The following INTS1 variants were observed in gnomAD, a reference collection of about 807,000 sequenced individuals.
INTS1 encodes the protein integrator complex subunit 1.
In INTS1, 137 loss-of-function variants were observed where a neutral mutation model predicts 241.6. That is an observed-to-expected ratio of 0.57 (90% CI 0.49 to 0.65). INTS1 has a LOEUF of 0.65. Ranked by LOEUF, INTS1 falls within the 30% of genes least tolerant of loss-of-function variation. The pLI, the probability that INTS1 is intolerant of heterozygous loss-of-function variation, is 0.00. For synonymous variants in INTS1, 1,692 were observed against 1,337.8 expected (o/e 1.26, Z -5.78); for missense variants, 3,073 against 3,032.2 (o/e 1.01, Z -0.32).
intron 16 of INTS1, 81 bp from the exon 17 acceptor site, chr7:1,489,763 G>A: frequency 9.7e-7 from 1 of 1,035,506 alleles, no homozygotes; most frequent in Non-Finnish European, 1.4e-6. Flanking sequence ...TGGCAAAGCT[G>A]GGGCAGGGAC....
chr7:1,498,943 G>GGGGGC, intron 8 of INTS1, 32 bp downstream of exon 8: 19 of 1,070,696 alleles, frequency 1.8e-5, no homozygotes, highest in Non-Finnish European at 2.3e-5. Context: ...CCCACCCCCT[G>GGGGGC]CCCCGCCCAC....
intron 42 of INTS1, 81 bp from the exon 43 acceptor site, chr7:1,473,265 T>C (rs891221312): frequency 6.6e-6 from 5 of 762,552 alleles, no homozygotes; most frequent in Admixed American, 4.5e-5. Flanking sequence ...TAGGGTGGCA[T>C]GGGAGCGTGT....
In INTS1 at chr7:1,470,594, T is replaced by C. The variant is rs763399857; in HGVS notation, c.6556A>G (p.Met2186Val). 15 of 1,574,314 alleles carry C rather than the reference T, an allele frequency of 9.5e-6. No homozygotes were observed. The highest frequency in any genetic ancestry group is 5.4e-5 in the African/African-American group (4 of 73,898). ...QISEALRILH[M>V]EAVM Reference sequence around the variant, plus strand: ...CCACAGGCTCACATCACGGCCTCCATATGCAGGATCCTCAGGGCCTCGGAG... The same window carrying C: ...CCACAGGCTCACATCACGGCCTCCACATGCAGGATCCTCAGGGCCTCGGAG... Residue 2186 changes from methionine (M) to valine (V), a missense_variant, in exon 48 of 48, where the codon ATG becomes GTG. Coordinates refer to ENST00000404767, the MANE Select transcript of INTS1 (RefSeq NM_001080453.3).
In INTS1 at chr7:1,493,041, G is replaced by T. The variant is rs1394883457; in HGVS notation, c.2134C>A (p.His712Asn). Residue 712 changes from histidine to asparagine, a missense_variant, in exon 16 of 48, where the codon CAT becomes AAT. His to Asn is a moderately conservative substitution (Grantham distance 68, BLOSUM62 1). Coordinates refer to ENST00000404767, the MANE Select transcript of INTS1 (RefSeq NM_001080453.3). This position sits in a 1 kb window ranked among gnomAD's most constrained non-coding sequence, Gnocchi z 5.3. ...GGGAGCTGGATGTTTTCAGGGTGAT[G>T]GTAGGTGCACAGATTCAGAACGGCG... ...IDAVLNLCTY[H>N]HPENIQLPPG... is the part of the protein sequence containing the mutation. 3.7e-6 allele frequency: 6 copies of T among 1,613,514 alleles called. No homozygotes were observed. The South Asian group carries it at 5.5e-5, about 15-fold the overall frequency.
chr7:1,483,301 T>G (rs1583117399), intron 26 of INTS1: 1 of 289,600 alleles, frequency 3.5e-6, no homozygotes. Context: ...AGGCGCTGGG[T>G]TCCAGACACT....
intron 6 of INTS1, 41 bp downstream of exon 6, chr7:1,499,432 G>T: frequency 6.4e-7 from 1 of 1,564,288 alleles, no homozygotes; most frequent in African/African-American, 1.4e-5. Context: ...CCTGCCCTGG[G>T]GCTTGGACAC....
In INTS1 at chr7:1,474,326, G is replaced by C; in HGVS notation, c.5671C>G (p.Arg1891Gly). The C allele has an allele frequency of 6.2e-7, 1 of 1,606,158 alleles. No individual in the cohort carries two copies. Among genetic ancestry groups the C allele is most frequent in the East Asian group, 2.2e-5 (1 of 44,614 alleles). ...LPMIAALLHGRTHLNFQEFRQ... is the reference protein window; with the variant it reads ...LPMIAALLHGGTHLNFQEFRQ... ...AACTCCTGGAAGTTGAGGTGGGTGCGGCCGTGCAGGAGCGCCGCGATCATG... is the reference window on the plus strand; with the variant it reads ...AACTCCTGGAAGTTGAGGTGGGTGCCGCCGTGCAGGAGCGCCGCGATCATG... Residue 1891 changes from arginine to glycine, a missense_variant, in exon 41 of 48, where the codon CGC becomes GGC. Physicochemically the swap from Arg to Gly is moderately radical, Grantham distance 125. Transcript: ENST00000404767.
At chr7:1,498,607 C>T (rs1001551570) in intron 9 of INTS1, 54 bp from the exon 10 acceptor site, 21 of 1,597,640 alleles carry the variant, frequency 1.3e-5, no homozygotes, top group African/African-American at 4.3e-5. Flanking sequence ...GCCCCCACTC[C>T]GCCTGTGCCC....
chr7:1,495,385 C>A, intron 13 of INTS1, 48 bp downstream of exon 13: 3 of 1,572,478 alleles, frequency 1.9e-6, no homozygotes, highest in Admixed American at 1.8e-5. Context: ...CGGCTTGTCC[C>A]GGCTCAGTGG....
chr7:1,472,689 G>A (rs1481283407), intron 43 of INTS1, among the ~76,000 whole-genome samples: 2 of 152,230 alleles, frequency 1.3e-5, no homozygotes, highest in East Asian at 1.9e-4. Context: ...GCACAGGAGA[G>A]ACGTGCTGCG....
chr7:1,494,852 TA>T lies in INTS1; in HGVS notation c.1873del (p.Tyr625ThrfsTer29). 6.4e-7 allele frequency: 1 copy of T among 1,569,582 alleles called. No homozygotes were observed. The highest frequency in any genetic ancestry group is 1.9e-5 in the Admixed American group (1 of 53,524). Reference protein sequence around the residue: ...VLFTEQPETYYKWDNWPPESD... With the variant: ...VLFTEQPETYXKWDNWPPESD... ...CTCGGGTGGCCAGTTGTCCCACTTG[TA>T]GTAGGTCTCCGGCTGCTCTGTGAAC... On this transcript the variant is annotated frameshift_variant, in exon 14 of 48. Coordinates refer to ENST00000404767, the MANE Select transcript of INTS1 (RefSeq NM_001080453.3). LOFTEE classifies it high-confidence loss of function.
At position 1,470,551 on chromosome 7, in the gene INTS1, T is replaced by G; in HGVS notation, c.*26A>C. On this transcript the variant is annotated 3_prime_UTR_variant, in exon 48 of 48. Coordinates refer to ENST00000404767, the MANE Select transcript of INTS1 (RefSeq NM_001080453.3). ...CCCCGGGGACGGGACGGGCCGGGGC[T>G]TGGAGGGGGGTCGGCTGCCACAGGC... 1 of 1,503,726 alleles carries G rather than the reference T, an allele frequency of 6.7e-7. No individual in the cohort carries two copies. Among genetic ancestry groups the G allele is most frequent in the Non-Finnish European group, 9.0e-7 (1 of 1,113,142 alleles). The allele number at this position is 1,503,726 out of a possible 1,614,324, so 93.1% of individuals were successfully genotyped here. A position where few individuals can be genotyped will look rare whatever the true frequency, so the allele number is the denominator to read the frequency against.
At chr7:1,498,379 C>T (rs544959348) in intron 10 of INTS1, 33 bp downstream of exon 10, 11 of 1,611,328 alleles carry the variant, frequency 6.8e-6, no homozygotes, top group South Asian at 3.3e-5. Flanking sequence ...CATATTCCGG[C>T]GTGGAGGGCA....
In INTS1 at chr7:1,479,423, C is replaced by CAAGT. The variant is rs1562492352; in HGVS notation, c.4329+3_4329+6dup. On this transcript the variant is annotated splice_region_variant and intron_variant, in intron 31 of 47. Transcript: ENST00000404767. ...TCCTCCCCCGCAAGAGGCCCACGCC[C>CAAGT]AAGTACCTGGTACTGGCAGAGCTGG... 6.4e-7 allele frequency: 1 copy of CAAGT among 1,571,078 alleles called. No individual in the cohort carries two copies. The highest frequency in any genetic ancestry group is 1.8e-5 in the Admixed American group (1 of 54,720).
intron 14 of INTS1, 130 bp downstream of exon 14, chr7:1,494,686 G>A: frequency 2.4e-6 from 2 of 848,520 alleles, no homozygotes; most frequent in Non-Finnish European, 3.8e-6. Flanking sequence ...TGTGGAGGAG[G>A]AGCAGGATGG....
intron 18 of INTS1, 61 bp downstream of exon 18, chr7:1,489,283 G>C: frequency 6.6e-7 from 1 of 1,523,690 alleles, no homozygotes; most frequent in Non-Finnish European, 8.9e-7. Flanking sequence ...CACAGCCCCA[G>C]CGGAACGAGA....
intron 43 of INTS1, 85 bp downstream of exon 43, chr7:1,472,987 C>T (rs1469767062): frequency 1.3e-5 from 12 of 915,460 alleles, no homozygotes; most frequent in Non-Finnish European, 1.9e-5. Flanking sequence ...CTCGGACGGC[C>T]CAGGGCTGGC....
rs371734036 is a variant in INTS1 at position 1,497,099 on chromosome 7, G to A, written c.1602+39C>T. On this transcript the variant is annotated intron_variant, in intron 11 of 47. Coordinates refer to ENST00000404767, the MANE Select transcript of INTS1 (RefSeq NM_001080453.3). This position sits in a 1 kb window ranked among gnomAD's most constrained non-coding sequence, Gnocchi z 5.3. The stretch of plus-strand genomic sequence containing the variant: ...AGGGGGATGGCGGCGCGTGGAACCC[G>A]CAGTGAGGGAAAGGCGCCCCAGCGG... 5.3e-5 allele frequency: 83 copies of A among 1,559,310 alleles called. No homozygotes were observed. In the African/African-American group the frequency reaches 7.6e-4, roughly 14 times the overall value.
chr7:1,498,588 T>TA (rs1782975754), intron 9 of INTS1, 35 bp from the exon 10 acceptor site: 1 of 1,610,042 alleles, frequency 6.2e-7, no homozygotes. Context: ...CTGTCCCCGC[T>TA]ACGCCTGTGC....
Sources: allele counts gnomAD v4.1 joint callset (sites outside exome capture counted in the v4.1 genomes callset), GRCh38; gene constraint gnomAD v4.1.1; non-coding constraint Gnocchi (gnomAD v3.1); transcripts MANE v1.5; gene names NCBI Gene and HGNC (gene_info 2026-07-23, HGNC 2026-07-21).